Variants in COLEC10 observed in about 807,000 individuals in gnomAD.
The protein encoded by COLEC10 is collectin subfamily member 10.
In COLEC10, 22 loss-of-function variants were observed where a neutral mutation model predicts 28.4. The observed-to-expected ratio is 0.78, with a 90% CI of 0.55 to 1.11. COLEC10 has a LOEUF of 1.11. COLEC10 is among the 50% of genes least tolerant of loss of function. COLEC10 has a pLI of 0.00. For missense variants in COLEC10, 361 were observed against 344.1 expected (o/e 1.05, Z -0.39); for synonymous variants, 125 against 116.1 (o/e 1.08, Z -0.49).
At chr8:119,017,752 A>AT (rs1814020269) in intron 2 of COLEC10, among the ~76,000 whole-genome samples, 2 of 152,208 alleles carry the variant, frequency 1.3e-5, no homozygotes, top group Admixed American at 1.3e-4. Flanking sequence ...TTGAAGTCAC[A>AT]AACCTCATGT....
chr8:119,032,145 G>A (rs1341041247), intron 2 of COLEC10, among the ~76,000 whole-genome samples: 3 of 152,154 alleles, frequency 2.0e-5, no homozygotes, highest in Non-Finnish European at 2.9e-5. Context: ...TTGGAAATCC[G>A]TGAATCTGGT....
chr8:119,034,065 A>G (rs1688558180), intron 2 of COLEC10, among the ~76,000 whole-genome samples: 1 of 152,354 alleles, frequency 6.6e-6, no homozygotes, highest in Middle Eastern at 3.4e-3. Flanking sequence ...TCCAGACATA[A>G]AAAAGGATGA....
chr8:119,076,224 T>G (rs1815231399), intron 1 of COLEC10, among the ~76,000 whole-genome samples: 1 of 151,018 alleles, frequency 6.6e-6, no homozygotes. Flanking sequence ...CAGCCATATC[T>G]TAATAAGACA....
chr8:119,065,855 C>CAAAA (rs3083298), upstream of COLEC10, among the ~76,000 whole-genome samples: 116 of 137,580 alleles, frequency 8.4e-4, no homozygotes, highest in African/African-American at 3.0e-3. Context: ...GACTCCATCT[C>CAAAA]AAAAAAAAAA....
chr8:119,095,076 G>A (rs1320468755), intron 3 of COLEC10, among the ~76,000 whole-genome samples: 2 of 152,138 alleles, frequency 1.3e-5, no homozygotes, highest in South Asian at 2.1e-4. Context: ...TGGAGAACAT[G>A]ATTGCATACC....
At chr8:119,019,517 C>T (rs935581389) in intron 2 of COLEC10, among the ~76,000 whole-genome samples, 1 of 152,112 alleles carries the variant, frequency 6.6e-6, no homozygotes, top group African/African-American at 2.4e-5. Context: ...CCACATCATG[C>T]CCCCACCACC....
intron 2 of COLEC10, among the ~76,000 whole-genome samples, chr8:119,031,175 A>G (rs1345358603): frequency 6.6e-6 from 1 of 152,244 alleles, no homozygotes; most frequent in Non-Finnish European, 1.5e-5. Flanking sequence ...TGAAGTACAT[A>G]GACCAAATGA....
chr8:119,091,564 A>T (rs1386378687), intron 3 of COLEC10, among the ~76,000 whole-genome samples: 1 of 134,590 alleles, frequency 7.4e-6, no homozygotes, highest in Non-Finnish European at 1.6e-5. Context: ...CGAAAGAAAG[A>T]AAGAAAGAAA....
chr8:118,995,762 G>T (rs1464265154), intron 1 of COLEC10, among the ~76,000 whole-genome samples: 1 of 152,140 alleles, frequency 6.6e-6, no homozygotes, highest in African/African-American at 2.4e-5. Context: ...GCTATGTAAT[G>T]CTATAGCAAG....
chr8:118,992,487 G>A (rs977451120), upstream of COLEC10, among the ~76,000 whole-genome samples: 2 of 152,134 alleles, frequency 1.3e-5, no homozygotes, highest in Admixed American at 1.3e-4. Flanking sequence ...AAGTTTATAG[G>A]AAGAGGAAGC....
the COLEC10 span, among the ~76,000 whole-genome samples, chr8:118,981,138 A>G: frequency 2.0e-5 from 3 of 152,026 alleles, no homozygotes; most frequent in Admixed American, 2.0e-4. Flanking sequence ...GGGCCTGGCT[A>G]AGCTCTTCTG....
At chr8:118,953,414 G>A in the COLEC10 span, among the ~76,000 whole-genome samples, 1 of 152,154 alleles carries the variant, frequency 6.6e-6, no homozygotes, top group Non-Finnish European at 1.5e-5. Context: ...ATAAATAGCA[G>A]TATTATTGTT....
chr8:119,055,803 T>C (rs1048810506), intron 2 of COLEC10, among the ~76,000 whole-genome samples: 5 of 152,072 alleles, frequency 3.3e-5, no homozygotes, highest in East Asian at 1.9e-4. Flanking sequence ...CTCTTCAGAG[T>C]TGACACTTTA....
At chr8:119,103,679 A>G (rs1815883133) in intron 4 of COLEC10, 121 bp from the exon 5 acceptor site, 3 of 615,312 alleles carry the variant, frequency 4.9e-6, no homozygotes, top group Non-Finnish European at 8.8e-6. Context: ...AAGTATAGCC[A>G]TTCACAGATA....
At chr8:119,002,942 TTAGGG>T (rs1813727251) in intron 1 of COLEC10, among the ~76,000 whole-genome samples, 1 of 152,146 alleles carries the variant, frequency 6.6e-6, no homozygotes, top group Admixed American at 6.6e-5. Flanking sequence ...CTTGGACAAA[TTAGGG>T]TAGGAGAATT....
the COLEC10 span, among the ~76,000 whole-genome samples, chr8:118,971,115 G>A: frequency 1.3e-5 from 2 of 151,880 alleles, no homozygotes; most frequent in African/African-American, 4.8e-5. Flanking sequence ...TTTGAGTGTG[G>A]CCTCCTCATT....
chr8:119,052,785 A>G (rs372146091), intron 2 of COLEC10, among the ~76,000 whole-genome samples: 5 of 152,186 alleles, frequency 3.3e-5, no homozygotes, highest in Non-Finnish European at 7.4e-5. Flanking sequence ...TATTTGTCTT[A>G]AGGAAAAAGT....
chr8:119,015,110 G>C lies in COLEC10; in HGVS notation n.235+5557G>C, dbSNP rs138842627. ...AACTGTTTCTTCAAAGTATGTTTTT[G>C]TCTTTTAGTATGCCTTCTAATTTTT... is the stretch of plus-strand genomic sequence containing the variant. On this transcript the variant is annotated intron_variant and non_coding_transcript_variant, in intron 2 of 6. Transcript: ENST00000521788. Among the ~76,000 whole-genome samples the C allele has an allele frequency of 5.0e-3, 759 of 151,150 alleles. 3 individuals are homozygous for C. Among genetic ancestry groups the C allele is most frequent in the Non-Finnish European group, 7.2e-3 (489 of 68,008 alleles).
intron 1 of COLEC10, among the ~76,000 whole-genome samples, chr8:119,084,644 A>G (rs1333247484): frequency 1.3e-5 from 2 of 152,250 alleles, no homozygotes; most frequent in Admixed American, 6.5e-5. Flanking sequence ...AGCCCTTTAA[A>G]AAGCAAGATT....
Sources: allele counts gnomAD v4.1 joint callset (sites outside exome capture counted in the v4.1 genomes callset), GRCh38; gene constraint gnomAD v4.1.1; transcripts MANE v1.5; gene names NCBI Gene and HGNC (gene_info 2026-07-23, HGNC 2026-07-21).